Variants in CCDC88C observed in about 807,000 individuals in gnomAD.
CCDC88C encodes the protein protein Daple.
A neutral mutation model predicts 198.8 loss-of-function variants in CCDC88C; 131 were observed. That is an observed-to-expected ratio of 0.66 (90% confidence interval 0.57 to 0.76). CCDC88C has a LOEUF of 0.76. Ranked by LOEUF, CCDC88C falls within the 30% of genes least tolerant of loss-of-function variation. The pLI, the probability that CCDC88C is intolerant of heterozygous loss-of-function variation, is 0.00. For synonymous variants in CCDC88C, 1,166 were observed against 1,114.7 expected (o/e 1.05, Z -0.92); for missense variants, 2,553 against 2,631.6 (o/e 0.97, Z 0.65).
chr14:91,405,369 G>A (rs1886428160), intron 3 of CCDC88C, among the ~76,000 whole-genome samples: 1 of 152,138 alleles, frequency 6.6e-6, no homozygotes, highest in South Asian at 2.1e-4. Flanking sequence ...AGGGAGGCCC[G>A]CCCACGCAGC....
intron 29 of CCDC88C, among the ~76,000 whole-genome samples, chr14:91,276,594 C>T: frequency 6.6e-6 from 1 of 152,262 alleles, no homozygotes; most frequent in Non-Finnish European, 1.5e-5. Context: ...CAAACACACA[C>T]TTTCTTTTCT....
At chr14:91,373,198 C>T (rs1403343980) in intron 3 of CCDC88C, among the ~76,000 whole-genome samples, 1 of 152,164 alleles carries the variant, frequency 6.6e-6, no homozygotes, top group Non-Finnish European at 1.5e-5. Context: ...CTGGGGCCAC[C>T]TTCTCTCTTC....
intron 3 of CCDC88C, chr14:91,379,480 C>T: frequency 6.3e-6 from 2 of 318,874 alleles, no homozygotes; most frequent in Non-Finnish European, 1.2e-5. Context: ...GCCTTGGCCA[C>T]CCGGGGCAGC....
intron 4 of CCDC88C, among the ~76,000 whole-genome samples, chr14:91,358,028 A>T (rs1027782338): frequency 3.6e-4 from 55 of 152,258 alleles, no homozygotes; most frequent in African/African-American, 1.3e-3. Context: ...AGCACTGAAG[A>T]CTATCAGGGG....
chr14:91,346,436 G>A (rs2139875977), intron 4 of CCDC88C, among the ~76,000 whole-genome samples: 1 of 152,068 alleles, frequency 6.6e-6, no homozygotes, highest in South Asian at 2.1e-4. Context: ...AGTAAGTGTA[G>A]AAATTCATCA....
rs779219856 is a variant in CCDC88C, at chr14:91,305,756, C to G, written c.3357+9G>C. ...GCTTGTGACCACTGGTGTTGGGAGC[C>G]CCGCTCACCTGCAGCTTGGCGGTCT... is the stretch of plus-strand genomic sequence containing the variant. On this transcript the variant is annotated intron_variant, in intron 19 of 29. Coordinates refer to ENST00000389857, the MANE Select transcript of CCDC88C (RefSeq NM_001080414.4). 6.3e-7 allele frequency: 1 copy of G among 1,594,670 alleles called. No individual in the cohort carries two copies. The highest frequency in any genetic ancestry group is 2.3e-5 in the East Asian group (1 of 44,336).
At chr14:91,316,012 C>T in intron 13 of CCDC88C, 1 of 518,458 alleles carries the variant, frequency 1.9e-6, no homozygotes. Flanking sequence ...CGTCCCTCTG[C>T]CCCATCCTTG....
At chr14:91,291,910 C>T (rs1183639254) in intron 23 of CCDC88C, among the ~76,000 whole-genome samples, 1 of 152,218 alleles carries the variant, frequency 6.6e-6, no homozygotes, top group African/African-American at 2.4e-5. Context: ...CTTCTGTTTG[C>T]ACTTAGGGAG....
At position 91,324,488 on chromosome 14, in the gene CCDC88C, G is replaced by C. The variant is rs1892498634; in HGVS notation, c.1342+291C>G. On this transcript the variant is annotated intron_variant, in intron 12 of 29. Coordinates refer to ENST00000389857, the MANE Select transcript of CCDC88C (RefSeq NM_001080414.4). ...CCACAGATGGCCTCAGAGAGCCTCTGGGTGTCAGTGCACTATAATCTGGAA... is the reference window on the plus strand; with the variant it reads ...CCACAGATGGCCTCAGAGAGCCTCTCGGTGTCAGTGCACTATAATCTGGAA... Among the ~76,000 whole-genome samples, 3 of 152,388 alleles carry C rather than the reference G, an allele frequency of 2.0e-5. No individual in the cohort carries two copies. The South Asian group carries it at 6.2e-4, about 32-fold the overall frequency.
chr14:91,328,768 C>A (rs933046397), intron 10 of CCDC88C, among the ~76,000 whole-genome samples: 8 of 152,206 alleles, frequency 5.3e-5, no homozygotes, highest in African/African-American at 1.9e-4. Context: ...ATGCGCAGCG[C>A]CTGAGACCTA....
rs542198350 is a variant in CCDC88C, at chr14:91,311,946, T to C, written c.2736+1134A>G. Among the ~76,000 whole-genome samples, 3 of 151,770 alleles carry C rather than the reference T, an allele frequency of 2.0e-5. No individual in the cohort carries two copies. In the East Asian group the frequency reaches 5.9e-4, roughly 30 times the overall value. On this transcript the variant is annotated intron_variant, in intron 15 of 29. Coordinates refer to ENST00000389857, the MANE Select transcript of CCDC88C (RefSeq NM_001080414.4). ...GAAAAGAGGATTCTAGGAAAAAAGG[T>C]AATAAAATTTTAAAAATAAATTTAA... is the stretch of plus-strand genomic sequence containing the variant.
chr14:91,287,284 G>A (rs548526494), intron 25 of CCDC88C, among the ~76,000 whole-genome samples: 1 of 152,006 alleles, frequency 6.6e-6, no homozygotes, highest in Non-Finnish European at 1.5e-5. Context: ...CCTGTCTTAC[G>A]GTGCTGACTC....
intron 10 of CCDC88C, among the ~76,000 whole-genome samples, chr14:91,326,534 G>C (rs1025300953): frequency 2.6e-5 from 4 of 151,974 alleles, no homozygotes; most frequent in African/African-American, 9.7e-5. Flanking sequence ...TTTTTAATCG[G>C]GCAAGGACAA....
chr14:91,394,937 C>A (rs1416269170), intron 3 of CCDC88C, among the ~76,000 whole-genome samples: 1 of 152,144 alleles, frequency 6.6e-6, no homozygotes, highest in African/African-American at 2.4e-5. Context: ...GGGGGGCCTG[C>A]CTGCCACCCC....
chr14:91,305,401 A>G (rs545807354), intron 19 of CCDC88C, among the ~76,000 whole-genome samples: 1 of 152,314 alleles, frequency 6.6e-6, no homozygotes, highest in East Asian at 1.9e-4. Flanking sequence ...GCCAGGTTCT[A>G]CAGTAAAGAA....
intron 3 of CCDC88C, among the ~76,000 whole-genome samples, chr14:91,396,896 G>A (rs996915493): frequency 2.6e-5 from 4 of 152,004 alleles, no homozygotes; most frequent in African/African-American, 9.7e-5. Context: ...GCTACTCGGG[G>A]GGCTGAGGCA....
intron 26 of CCDC88C, 106 bp from the exon 27 acceptor site, chr14:91,281,631 G>A: frequency 3.2e-6 from 3 of 926,742 alleles, no homozygotes; most frequent in Admixed American, 2.0e-5. Context: ...TCCAGCTCTT[G>A]GGGATGAGGG....
chr14:91,299,827 G>A, intron 21 of CCDC88C, 100 bp downstream of exon 21: 10 of 1,383,764 alleles, frequency 7.2e-6, no homozygotes, highest in Non-Finnish European at 8.5e-6. Flanking sequence ...AAAAATCCAC[G>A]ATCGCCAGGG....
chr14:91,278,880 C>T (rs1294456583), intron 28 of CCDC88C, among the ~76,000 whole-genome samples: 8 of 137,280 alleles, frequency 5.8e-5, no homozygotes, highest in Non-Finnish European at 1.2e-4. Context: ...AGCCAAACCA[C>T]CAAATACACT....
Sources: allele counts gnomAD v4.1 joint callset (sites outside exome capture counted in the v4.1 genomes callset), GRCh38; gene constraint gnomAD v4.1.1; transcripts MANE v1.5; gene names NCBI Gene and HGNC (gene_info 2026-07-23, HGNC 2026-07-21).